The following NLK variants were observed in gnomAD, a reference collection of about 807,000 sequenced individuals.
The protein encoded by NLK is serine/threonine-protein kinase NLK.
Under a neutral mutation model 59.0 loss-of-function variants are expected in NLK, and 11 were observed. The ratio of observed to expected loss-of-function variants is 0.19; its 90% confidence interval spans 0.12 to 0.31. The LOEUF is 0.31. Among genes scored for constraint, NLK ranks in the 10% least tolerant of loss-of-function variants. The pLI is 1.00. For synonymous variants in NLK, 235 were observed against 235.9 expected (o/e 1.00, Z 0.03); for missense variants, 410 against 661.1 (o/e 0.62, Z 4.16).
intron 1 of NLK, among the ~76,000 whole-genome samples, chr17:28,106,379 G>T (rs1024816984): frequency 6.6e-6 from 1 of 152,040 alleles, no homozygotes; most frequent in South Asian, 2.1e-4. Flanking sequence ...TAAAATTGAG[G>T]TATATCTTAT....
chr17:28,115,868 A>C (rs1212165710), intron 1 of NLK, among the ~76,000 whole-genome samples: 2 of 151,568 alleles, frequency 1.3e-5, no homozygotes, highest in African/African-American at 4.8e-5. Context: ...GTTTTTTATA[A>C]ATTTCATTTT....
chr17:28,173,603 G>T (rs1330358528), intron 7 of NLK, among the ~76,000 whole-genome samples: 1 of 152,172 alleles, frequency 6.6e-6, no homozygotes, highest in Non-Finnish European at 1.5e-5. Context: ...ATGTATGCTT[G>T]TATGTTAAAT....
chr17:28,156,544 C>T (rs1463458403), intron 3 of NLK, among the ~76,000 whole-genome samples: 1 of 152,132 alleles, frequency 6.6e-6, no homozygotes, highest in East Asian at 1.9e-4. Context: ...CTGCCCTTCA[C>T]CCCGCAACAC....
intron 1 of NLK, among the ~76,000 whole-genome samples, chr17:28,051,828 T>TTA (rs1157766610): frequency 6.6e-6 from 1 of 152,146 alleles, no homozygotes; most frequent in Non-Finnish European, 1.5e-5. Context: ...TAAGATTCTA[T>TTA]TATAAAATGA....
At position 28,043,170 on chromosome 17, in the gene NLK, G is replaced by C. The variant is rs769160554; in HGVS notation, c.297G>C (p.Pro99=). The stretch of plus-strand genomic sequence containing the variant: ...AGCCATATTTCCCATCACCGGCACC[G>C]GGGCAGGCTCCTGGACCAGCTGCAG... ...QQQPYFPSPA[P]GQAPGPAAAA... The change falls in exon 1 of 11, where the codon CCG becomes CCC. Residue 99 remains proline (P), a synonymous_variant. Coordinates refer to ENST00000407008, the MANE Select transcript of NLK (RefSeq NM_016231.5). The C allele has an allele frequency of 6.8e-6, 11 of 1,613,720 alleles. No individual in the cohort carries two copies. In the African/African-American group the frequency reaches 1.5e-4, roughly 22 times the overall value.
At chr17:28,142,204 T>C (rs1454786851) in intron 3 of NLK, among the ~76,000 whole-genome samples, 1 of 152,062 alleles carries the variant, frequency 6.6e-6, no homozygotes, top group Non-Finnish European at 1.5e-5. Context: ...CGCTTTTTTC[T>C]TTTTTTTCTG....
intron 3 of NLK, among the ~76,000 whole-genome samples, chr17:28,137,284 T>C (rs982157270): frequency 1.3e-5 from 2 of 152,194 alleles, no homozygotes; most frequent in Non-Finnish European, 2.9e-5. Context: ...TGCTATTGTT[T>C]TAGGCAAGTT....
chr17:28,047,809 G>A (rs1186904776), intron 1 of NLK: 8 of 393,112 alleles, frequency 2.0e-5, no homozygotes, highest in Non-Finnish European at 3.6e-5. Flanking sequence ...AACTAATTTG[G>A]AAAAATGCAG....
chr17:28,120,060 T>C (rs568637304), intron 1 of NLK, among the ~76,000 whole-genome samples: 87 of 152,324 alleles, frequency 5.7e-4, no homozygotes, highest in Non-Finnish European at 1.3e-4. Context: ...TCTGAAGTTT[T>C]CCCTTTTTCG....
At chr17:28,121,748 C>T (rs1045796864) in intron 1 of NLK, among the ~76,000 whole-genome samples, 21 of 151,894 alleles carry the variant, frequency 1.4e-4, no homozygotes, top group Non-Finnish European at 1.5e-5. Flanking sequence ...ATCCAGTCAC[C>T]TCGGCCTCCC....
chr17:28,163,424 A>T, intron 4 of NLK, 119 bp from the exon 5 acceptor site: 1 of 615,598 alleles, frequency 1.6e-6, no homozygotes, highest in East Asian at 2.9e-5. Flanking sequence ...AATGTTCATT[A>T]TGCAGTTATT....
chr17:28,087,490 G>C (rs1910554345), intron 1 of NLK, among the ~76,000 whole-genome samples: 1 of 152,150 alleles, frequency 6.6e-6, no homozygotes, highest in Non-Finnish European at 1.5e-5. Flanking sequence ...ATGTAAATCA[G>C]AATAGAAGAT....
intron 6 of NLK, among the ~76,000 whole-genome samples, chr17:28,170,618 T>A (rs942471270): frequency 3.3e-5 from 5 of 152,238 alleles, no homozygotes; most frequent in African/African-American, 1.2e-4. Context: ...AAGTAAAGTT[T>A]AACAGACTTA....
downstream of NLK, among the ~76,000 whole-genome samples, chr17:28,198,093 C>G (rs760450169): frequency 2.6e-5 from 4 of 152,102 alleles, no homozygotes; most frequent in Non-Finnish European, 4.4e-5. Context: ...GGTACAGACA[C>G]CCCTAAGGAT....
chr17:28,079,235 T>G (rs1007087926), intron 1 of NLK, among the ~76,000 whole-genome samples: 2 of 152,252 alleles, frequency 1.3e-5, no homozygotes, highest in African/African-American at 4.8e-5. Context: ...TAATATTTTG[T>G]TGTATGTATA....
intron 1 of NLK, among the ~76,000 whole-genome samples, chr17:28,076,552 C>T (rs530043003): frequency 7.2e-5 from 11 of 152,312 alleles, no homozygotes; most frequent in African/African-American, 2.4e-4. Context: ...CAGTCCAAAG[C>T]AGTTCCTGTT....
At chr17:28,088,857 C>T (rs966083962) in intron 1 of NLK, among the ~76,000 whole-genome samples, 1 of 152,072 alleles carries the variant, frequency 6.6e-6, no homozygotes, top group African/African-American at 2.4e-5. Flanking sequence ...TTTTAGTGGG[C>T]ATATCTTTAA....
intron 1 of NLK, among the ~76,000 whole-genome samples, chr17:28,076,697 T>G (rs1910169944): frequency 6.6e-6 from 1 of 152,184 alleles, no homozygotes; most frequent in Non-Finnish European, 1.5e-5. Context: ...TGTGCATCTG[T>G]GTATTAAATT....
chr17:28,087,728 G>T (rs1910561716), intron 1 of NLK, among the ~76,000 whole-genome samples: 1 of 152,116 alleles, frequency 6.6e-6, no homozygotes, highest in African/African-American at 2.4e-5. Flanking sequence ...TCAAAATTTT[G>T]CTCCAAGTTT....
Sources: gnomAD v4.1 joint callset for allele counts (sites outside exome capture counted in the v4.1 genomes callset) on GRCh38, gnomAD v4.1.1 for gene constraint, MANE v1.5 for transcripts, NCBI Gene and HGNC (gene_info 2026-07-23, HGNC 2026-07-21) for gene names.